TGFB2: variants seen among roughly 807,000 people sequenced by gnomAD.
The protein encoded by TGFB2 is transforming growth factor beta 2.
Under a neutral mutation model 42.7 loss-of-function variants are expected in TGFB2, and 13 were observed. The observed-to-expected ratio is 0.30, with a 90% CI of 0.20 to 0.48. The LOEUF (loss-of-function observed/expected upper bound fraction) is 0.48. Ranked by LOEUF, TGFB2 falls within the 20% of genes least tolerant of loss-of-function variation. The probability of loss-of-function intolerance (pLI) is 0.99; values close to 1 mark genes in which losing one functional copy is unlikely to be tolerated. For missense variants in TGFB2, 390 were observed against 517.5 expected (o/e 0.75, Z 2.39); for synonymous variants, 193 against 193.6 (o/e 1.00, Z 0.03).
At chr1:218,404,300 A>G (rs1281670541) in intron 1 of TGFB2, among the ~76,000 whole-genome samples, 1 of 152,134 alleles carries the variant, frequency 6.6e-6, no homozygotes, top group Non-Finnish European at 1.5e-5. Flanking sequence ...TTTAGTAGAA[A>G]CAGGGTTTTG....
At chr1:218,436,505 G>A (rs1571903358) in intron 5 of TGFB2, among the ~76,000 whole-genome samples, 1 of 152,328 alleles carries the variant, frequency 6.6e-6, no homozygotes, top group East Asian at 1.9e-4. Flanking sequence ...CCATCTGGAT[G>A]ATGCCTTCAT....
At chr1:218,429,229 C>A (rs145699773) in intron 2 of TGFB2, among the ~76,000 whole-genome samples, 2,405 of 152,312 alleles carry the variant, frequency 0.016, 26 homozygotes, top group Middle Eastern at 0.044. Context: ...AATCCACCTG[C>A]CTTGGCCTCC....
rs1659210585 is a variant in TGFB2, at chr1:218,414,527, A to G, written c.510+9195A>G. On this transcript the variant is annotated intron_variant, in intron 2 of 6. Coordinates refer to ENST00000366930, the MANE Select transcript of TGFB2 (RefSeq NM_003238.6). Reference sequence around the variant, plus strand: ...TAAAAAACACCATGAGGTATAATAAACACTTTGTTTGCACAAGGCTATTAA... The same window carrying G: ...TAAAAAACACCATGAGGTATAATAAGCACTTTGTTTGCACAAGGCTATTAA... Among the ~76,000 whole-genome samples, 4 of 152,140 alleles carry G rather than the reference A, an allele frequency of 2.6e-5. 1 individual carries two copies. The South Asian group carries it at 8.3e-4, about 31-fold the overall frequency.
In TGFB2 at chr1:218,441,370, G is replaced by A. The variant is rs754901678; in HGVS notation, c.*8G>A. On this transcript the variant is annotated 3_prime_UTR_variant, in exon 7 of 7. Transcript: ENST00000366930. ...TCTTGCAAATGCAGCTAAAATTCTTGGAAAAGTGGCAAGACCAAAATGACA... is the reference window on the plus strand; with the variant it reads ...TCTTGCAAATGCAGCTAAAATTCTTAGAAAAGTGGCAAGACCAAAATGACA... The A allele has an allele frequency of 1.3e-5, 21 of 1,594,818 alleles. 1 individual carries two copies. The South Asian group carries it at 2.3e-4, about 17-fold the overall frequency.
In TGFB2 at chr1:218,442,666, T is replaced by C. The variant is rs1660194286; in HGVS notation, c.*1304T>C. The stretch of plus-strand genomic sequence containing the variant: ...GACATAAGCTACCTGGGTCCACTTG[T>C]CTTTTCTTTTTTTTGTTTCACAGAA... On this transcript the variant is annotated 3_prime_UTR_variant, in exon 7 of 7. Coordinates refer to ENST00000366930, the MANE Select transcript of TGFB2 (RefSeq NM_003238.6). 6.6e-6 allele frequency: 1 copy of C among 152,152 alleles called. No homozygotes were observed. The highest frequency in any genetic ancestry group is 6.5e-5 in the Admixed American group (1 of 15,278). The allele number at this position is 152,152 out of a possible 1,614,324, so 9.4% of individuals were successfully genotyped here.
chr1:218,370,446 A>G (rs746380713), intron 1 of TGFB2, among the ~76,000 whole-genome samples: 38 of 152,232 alleles, frequency 2.5e-4, no homozygotes, highest in Non-Finnish European at 4.9e-4. Flanking sequence ...CAAGGGAACA[A>G]CTTTGAAATA....
intron 1 of TGFB2, among the ~76,000 whole-genome samples, chr1:218,347,797 C>T (rs979931409): frequency 6.6e-6 from 1 of 152,198 alleles, no homozygotes; most frequent in South Asian, 2.1e-4. Flanking sequence ...TCAGAATACA[C>T]TCAAACCTGC....
At chr1:218,363,173 T>C (rs750432070) in intron 1 of TGFB2, among the ~76,000 whole-genome samples, 1 of 152,202 alleles carries the variant, frequency 6.6e-6, no homozygotes, top group Non-Finnish European at 1.5e-5. Flanking sequence ...CCTTAGATCC[T>C]CAGTGTCTAA....
chr1:218,361,223 C>CT (rs1163749768), intron 1 of TGFB2, among the ~76,000 whole-genome samples: 1 of 152,238 alleles, frequency 6.6e-6, no homozygotes, highest in East Asian at 1.9e-4. Flanking sequence ...CCTTACATCT[C>CT]TATCTCATTC....
At chr1:218,397,164 A>T (rs1249403632) in intron 1 of TGFB2, among the ~76,000 whole-genome samples, 1 of 151,420 alleles carries the variant, frequency 6.6e-6, no homozygotes, top group Non-Finnish European at 1.5e-5. Flanking sequence ...GCTACTCAGG[A>T]GGCTGAGACA....
chr1:218,379,488 T>TTTC (rs1491384511), intron 1 of TGFB2, among the ~76,000 whole-genome samples: 22 of 9,266 alleles, frequency 2.4e-3, no homozygotes, highest in East Asian at 0.018. Context: ...TCTTTCTTTC[T>TTTC]TTTTTTTTTT....
chr1:218,407,187 T>C (rs531959844), intron 2 of TGFB2, among the ~76,000 whole-genome samples: 4 of 152,302 alleles, frequency 2.6e-5, no homozygotes, highest in African/African-American at 9.6e-5. Context: ...ACCCTCAACT[T>C]CCAGGGCTCA....
chr1:218,427,648 T>C (rs1000443019), intron 2 of TGFB2, among the ~76,000 whole-genome samples: 3 of 152,214 alleles, frequency 2.0e-5, no homozygotes, highest in Non-Finnish European at 4.4e-5. Flanking sequence ...TCCATGTCCC[T>C]ACAGAAGACA....
chr1:218,415,699 G>GAAAAAAAAA (rs1174137652), intron 2 of TGFB2, among the ~76,000 whole-genome samples: 2 of 61,672 alleles, frequency 3.2e-5, no homozygotes, highest in Non-Finnish European at 7.3e-5. Flanking sequence ...TGTCTCAAAA[G>GAAAAAAAAA]AAAAAAAAAA....
At chr1:218,437,554 T>C in intron 6 of TGFB2, 58 bp downstream of exon 6, 1 of 1,513,758 alleles carries the variant, frequency 6.6e-7, no homozygotes, top group Non-Finnish European at 8.9e-7. Context: ...CACCTGCTGA[T>C]AGTATTTCCA....
rs187697359 is a variant in TGFB2 at position 218,346,706 on chromosome 1, A to G, written c.5A>G (p.His2Arg). ...TTTTTTCCACTTTTTTAAAAAATGC[A>G]CTACTGTGTGCTGAGCGCTTTTCTG... M[H>R]YCVLSAFLIL... Residue 2 changes from histidine to arginine, a missense_variant, in exon 1 of 7, where the codon CAC (histidine) becomes CGC (arginine). Physicochemically the swap from His to Arg is conservative, Grantham distance 29. Transcript: ENST00000366930. The surrounding 1 kb of genome is among the most constrained non-coding windows in gnomAD (Gnocchi z 4.9). The G allele has an allele frequency of 3.8e-6, 6 of 1,583,444 alleles. No individual in the cohort carries two copies. The Admixed American group carries it at 1.0e-4, about 27-fold the overall frequency.
chr1:218,399,933 T>C (rs1379746380), intron 1 of TGFB2, among the ~76,000 whole-genome samples: 2 of 152,182 alleles, frequency 1.3e-5, no homozygotes, highest in African/African-American at 4.8e-5. Flanking sequence ...TGCTTACTTA[T>C]AGAATCCTGA....
chr1:218,377,607 T>G (rs1415231050), intron 1 of TGFB2, among the ~76,000 whole-genome samples: 1 of 152,186 alleles, frequency 6.6e-6, no homozygotes, highest in Non-Finnish European at 1.5e-5. Flanking sequence ...GAGATACTTA[T>G]GCTTCCTCAG....
At chr1:218,396,890 T>C (rs1375306341) in intron 1 of TGFB2, among the ~76,000 whole-genome samples, 3 of 152,232 alleles carry the variant, frequency 2.0e-5, no homozygotes, top group Non-Finnish European at 4.4e-5. Context: ...AGAGGAATCC[T>C]ATTTTTCCAG....
Sources: allele counts gnomAD v4.1 joint callset (sites outside exome capture counted in the v4.1 genomes callset), GRCh38; gene constraint gnomAD v4.1.1; non-coding constraint Gnocchi (gnomAD v3.1); transcripts MANE v1.5; gene names NCBI Gene and HGNC (gene_info 2026-07-23, HGNC 2026-07-21).